HK1: variants seen among roughly 807,000 people sequenced by gnomAD.
The protein encoded by HK1 is hexokinase 1.
HK1 carries 28 observed loss-of-function variants against 91.6 expected under a neutral mutation model. The ratio of observed to expected loss-of-function variants is 0.31; its 90% CI spans 0.23 to 0.42. HK1 has a LOEUF of 0.42. Ranked by LOEUF, HK1 falls within the 10% of genes least tolerant of loss-of-function variation. The probability of loss-of-function intolerance (pLI) is 1.00; values close to 1 mark genes in which losing one functional copy is unlikely to be tolerated. For synonymous variants in HK1, 430 were observed against 468.1 expected (o/e 0.92, Z 1.05); for missense variants, 770 against 1,219.8 (o/e 0.63, Z 5.49).
At chr10:69,383,797 G>A (rs1839505792) in intron 10 of HK1, among the ~76,000 whole-genome samples, 1 of 152,264 alleles carries the variant, frequency 6.6e-6, no homozygotes, top group South Asian at 2.1e-4. Context: ...AGCAAGGGCT[G>A]CGAGGGAGAG....
chr10:69,294,849 G>C (rs1411506792), intron 3 of HK1, among the ~76,000 whole-genome samples: 1 of 151,846 alleles, frequency 6.6e-6, no homozygotes, highest in South Asian at 2.1e-4. Flanking sequence ...GCAACAGAGC[G>C]AGACTCCATC....
intron 7 of HK1, among the ~76,000 whole-genome samples, chr10:69,376,297 G>A (rs906028874): frequency 7.2e-5 from 11 of 152,016 alleles, no homozygotes; most frequent in Non-Finnish European, 1.2e-4. Context: ...TGGGAGGGTC[G>A]CTTGGGCCCA....
At chr10:69,354,412 G>A (rs542190409) in intron 2 of HK1, among the ~76,000 whole-genome samples, 3 of 152,320 alleles carry the variant, frequency 2.0e-5, no homozygotes, top group South Asian at 4.1e-4. Context: ...AGGAGAAAAG[G>A]CATCTTCCTC....
intron 3 of HK1, chr10:69,292,430 C>T (rs1845337087): frequency 2.5e-6 from 1 of 392,384 alleles, no homozygotes; most frequent in African/African-American, 2.1e-5. Context: ...TCCCTGCCCT[C>T]CAGGGGAGAT....
chr10:69,346,538 TG>T (rs2132696595), intron 2 of HK1, among the ~76,000 whole-genome samples: 1 of 152,252 alleles, frequency 6.6e-6, no homozygotes, highest in African/African-American at 2.4e-5. Flanking sequence ...GTGAGGTTTT[TG>T]TTTTTGGTAT....
chr10:69,344,140 C>G, intron 2 of HK1, 151 bp downstream of exon 2: 2 of 808,054 alleles, frequency 2.5e-6, no homozygotes, highest in South Asian at 1.5e-5. Context: ...TCCGCTGATC[C>G]ATCTGCTGAT....
At chr10:69,351,566 T>C (rs573536423) in intron 2 of HK1, among the ~76,000 whole-genome samples, 1 of 152,166 alleles carries the variant, frequency 6.6e-6, no homozygotes, top group Admixed American at 6.5e-5. Flanking sequence ...CTATAAGGAA[T>C]CATGGAAGTT....
chr10:69,341,168 CT>C (rs531762393), intron 1 of HK1, among the ~76,000 whole-genome samples: 7 of 147,824 alleles, frequency 4.7e-5, no homozygotes, highest in African/African-American at 7.4e-5. Flanking sequence ...TTCTTTCTTT[CT>C]TTTTTTTTTG....
chr10:69,285,257 T>C (rs1401885132), intron 2 of HK1, among the ~76,000 whole-genome samples: 1 of 151,952 alleles, frequency 6.6e-6, no homozygotes, highest in African/African-American at 2.4e-5. Flanking sequence ...ACATGGTCTC[T>C]ACTGAAAATA....
At position 69,271,818 on chromosome 10, in the gene HK1, G is replaced by A. The variant is rs184455850; in HGVS notation, c.-391+1710G>A. Among the ~76,000 whole-genome samples the A allele has an allele frequency of 3.2e-3, 483 of 151,896 alleles. 2 individuals are homozygous for A. Among genetic ancestry groups the A allele is most frequent in the Non-Finnish European group, 5.6e-3 (378 of 67,956 alleles). Reference sequence around the variant, plus strand: ...CTGATGAGTGTAAACACTACTTTGAGACATTTGCAACAACAGCATAGATAT... The same window carrying A: ...CTGATGAGTGTAAACACTACTTTGAAACATTTGCAACAACAGCATAGATAT... On this transcript the variant is annotated intron_variant, in intron 1 of 21. Coordinates refer to the HK1 transcript ENST00000360289.
In HK1 at chr10:69,319,011, G is replaced by A; in HGVS notation, c.63+1G>A. The A allele has an allele frequency of 6.3e-7, 1 of 1,598,596 alleles. No homozygotes were observed. Among genetic ancestry groups the A allele is most frequent in the Non-Finnish European group, 8.5e-7 (1 of 1,173,498 alleles). ...GCTGAAGGATGACCAGGTCAAAAAGGTGAGCCCCCGCCCGCGCCGCCGCTG... is the reference window on the plus strand; with the variant it reads ...GCTGAAGGATGACCAGGTCAAAAAGATGAGCCCCCGCCCGCGCCGCCGCTG... On this transcript the variant is annotated splice_donor_variant, in intron 1 of 17. Coordinates refer to ENST00000359426, the MANE Select transcript of HK1 (RefSeq NM_000188.3). LOFTEE classifies it high-confidence loss of function.
intron 3 of HK1, among the ~76,000 whole-genome samples, chr10:69,360,844 T>C (rs1849383073): frequency 6.6e-6 from 1 of 152,182 alleles, no homozygotes; most frequent in Admixed American, 6.5e-5. Context: ...CAAGGTGCAC[T>C]CCTCCTCTCT....
chr10:69,344,028 A>G, intron 2 of HK1, 39 bp downstream of exon 2: 1 of 1,604,296 alleles, frequency 6.2e-7, no homozygotes, highest in Non-Finnish European at 8.5e-7. Flanking sequence ...TGAGGGCTAA[A>G]TGTTCTGTGA....
chr10:69,319,906 C>T (rs1846907999), intron 1 of HK1, among the ~76,000 whole-genome samples: 1 of 151,330 alleles, frequency 6.6e-6, no homozygotes, highest in Non-Finnish European at 1.5e-5. Context: ...TTTATCAGTG[C>T]CAGGTCTGGT....
chr10:69,363,122 A>G (rs1321778247), intron 3 of HK1, among the ~76,000 whole-genome samples: 1 of 152,126 alleles, frequency 6.6e-6, no homozygotes, highest in Non-Finnish European at 1.5e-5. Context: ...TCATGTGACT[A>G]TGGTTTGGCT....
chr10:69,392,179 AG>A lies in HK1; in HGVS notation c.2095del (p.Asp699ThrfsTer36), dbSNP rs1397953530. 2 of 1,613,996 alleles carry A rather than the reference AG, an allele frequency of 1.2e-6. No homozygotes were observed. Among genetic ancestry groups the A allele is most frequent in the Non-Finnish European group, 1.7e-6 (2 of 1,180,022 alleles). ...GAGATGAAGAACGTGGAGATGGTGG[AG>A]GGGGACCAGGGGCAGATGTGCATCA... is the stretch of plus-strand genomic sequence containing the variant. The part of the protein sequence containing the change: ...MEEMKNVEMV[E>X]GDQGQMCINM... On this transcript the variant is annotated frameshift_variant, in exon 15 of 18. Coordinates refer to ENST00000359426, the MANE Select transcript of HK1 (RefSeq NM_000188.3). LOFTEE classifies it high-confidence loss of function.
chr10:69,384,291 C>T (rs776921844), intron 10 of HK1, 42 bp from the exon 11 acceptor site: 2 of 1,613,954 alleles, frequency 1.2e-6, no homozygotes, highest in Non-Finnish European at 1.7e-6. Flanking sequence ...CCAAGAGGCA[C>T]TTAGCTGTTT....
intron 1 of HK1, among the ~76,000 whole-genome samples, chr10:69,336,509 A>G (rs529096172): frequency 9.9e-5 from 15 of 151,776 alleles, no homozygotes; most frequent in Non-Finnish European, 1.8e-4. Flanking sequence ...CATCTTTAAA[A>G]AAAAAAATGA....
chr10:69,300,479 CT>C, intron 4 of HK1: 2 of 843,810 alleles, frequency 2.4e-6, no homozygotes, highest in Non-Finnish European at 3.8e-6. Flanking sequence ...CGTCTTGCTT[CT>C]TTATGGTCCA....
Sources: allele counts gnomAD v4.1 joint callset (sites outside exome capture counted in the v4.1 genomes callset), GRCh38; gene constraint gnomAD v4.1.1; transcripts MANE v1.5; gene names NCBI Gene and HGNC (gene_info 2026-07-23, HGNC 2026-07-21).